Variants in TRIQK observed in about 807,000 individuals in gnomAD.
TRIQK encodes triple QxxK/R motif containing, also known as triple QxxK/R motif-containing protein.
In TRIQK, 10 loss-of-function variants were observed where a neutral mutation model predicts 10.8. That is an observed-to-expected ratio of 0.92 (90% CI 0.57 to 1.57). The LOEUF (loss-of-function observed/expected upper bound fraction) is 1.57, where lower values mean the gene tolerates loss of function less well. Among genes scored for constraint, TRIQK ranks in the 40% most tolerant of loss-of-function variants. TRIQK has a pLI of 0.00. For missense variants in TRIQK, 107 were observed against 97.7 expected (o/e 1.09, Z -0.40); for synonymous variants, 33 against 33.7 (o/e 0.98, Z 0.07).
intron 3 of TRIQK, among the ~76,000 whole-genome samples, chr8:92,903,335 G>A (rs1423140371): frequency 6.6e-6 from 1 of 151,904 alleles, no homozygotes; most frequent in East Asian, 1.9e-4. Context: ...TATCCAGACA[G>A]TAGATTTTTT....
intron 1 of TRIQK, among the ~76,000 whole-genome samples, chr8:92,985,536 T>G (rs1164755934): frequency 2.6e-5 from 4 of 152,156 alleles, no homozygotes; most frequent in South Asian, 2.1e-4. Flanking sequence ...GAGATTTAGC[T>G]TCACTGTATT....
At chr8:92,900,211 T>C (rs753604714) in intron 3 of TRIQK, among the ~76,000 whole-genome samples, 3 of 152,162 alleles carry the variant, frequency 2.0e-5, no homozygotes, top group Non-Finnish European at 2.9e-5. Context: ...CCTTTCACTT[T>C]ACTGATGGTT....
intron 2 of TRIQK, among the ~76,000 whole-genome samples, chr8:92,923,216 T>C (rs779608754): frequency 2.6e-5 from 4 of 151,790 alleles, no homozygotes; most frequent in Non-Finnish European, 5.9e-5. Context: ...TCATCATTCA[T>C]TTCTATTGCT....
At chr8:92,927,139 G>T (rs1362244403) in intron 2 of TRIQK, among the ~76,000 whole-genome samples, 3 of 151,948 alleles carry the variant, frequency 2.0e-5, no homozygotes, top group Non-Finnish European at 4.4e-5. Flanking sequence ...CAAAAAAAAT[G>T]AATCTATTAT....
chr8:92,982,291 G>T (rs1812994419), intron 1 of TRIQK, among the ~76,000 whole-genome samples: 1 of 151,906 alleles, frequency 6.6e-6, no homozygotes, highest in Non-Finnish European at 1.5e-5. Flanking sequence ...AGTTAAAGAA[G>T]AGAAAACTAG....
At chr8:92,963,453 T>C (rs1812556490) in intron 1 of TRIQK, 2 of 151,598 alleles carry the variant, frequency 1.3e-5, no homozygotes, top group Admixed American at 1.3e-4. Context: ...TTATAAAAGA[T>C]TATTCACTTA....
At chr8:92,942,147 T>C (rs1408668695) in intron 2 of TRIQK, among the ~76,000 whole-genome samples, 2 of 152,208 alleles carry the variant, frequency 1.3e-5, no homozygotes, top group African/African-American at 4.8e-5. Context: ...CTGATGGTTA[T>C]AGATGCAAAA....
chr8:92,921,567 C>G (rs1049426809), intron 2 of TRIQK: 1 of 151,770 alleles, frequency 6.6e-6, no homozygotes, highest in Non-Finnish European at 1.5e-5. Flanking sequence ...TAGGGTAACT[C>G]TGAACATGAG....
At chr8:92,962,998 C>T (rs1046270307) in intron 1 of TRIQK, among the ~76,000 whole-genome samples, 2 of 151,976 alleles carry the variant, frequency 1.3e-5, no homozygotes, top group African/African-American at 2.4e-5. Context: ...ATATGGCAGG[C>T]GCCACATGTC....
At chr8:92,908,199 G>A (rs1341226704) in intron 3 of TRIQK, among the ~76,000 whole-genome samples, 2 of 152,054 alleles carry the variant, frequency 1.3e-5, no homozygotes, top group Non-Finnish European at 2.9e-5. Context: ...TCATTATCAC[G>A]TGAATATCTG....
chr8:92,933,429 A>T (rs1208768293), intron 2 of TRIQK, among the ~76,000 whole-genome samples: 1 of 152,136 alleles, frequency 6.6e-6, no homozygotes, highest in Non-Finnish European at 1.5e-5. Context: ...GGTAATATCA[A>T]ATATTAAATA....
intron 1 of TRIQK, among the ~76,000 whole-genome samples, chr8:93,001,416 A>G (rs987640047): frequency 1.4e-5 from 2 of 146,988 alleles, no homozygotes; most frequent in East Asian, 3.9e-4. Context: ...GGACACACAT[A>G]GACTGAAAAT....
At chr8:92,949,219 C>A (rs1156591242) in intron 2 of TRIQK, among the ~76,000 whole-genome samples, 3 of 152,074 alleles carry the variant, frequency 2.0e-5, no homozygotes, top group Non-Finnish European at 4.4e-5. Flanking sequence ...TAAGTTTTTT[C>A]TTTTAATGCT....
intron 1 of TRIQK, among the ~76,000 whole-genome samples, chr8:93,016,967 A>G (rs1006655307): frequency 6.6e-6 from 1 of 152,250 alleles, no homozygotes; most frequent in Non-Finnish European, 1.5e-5. Context: ...TAGTATGGAT[A>G]GAACTTAGTA....
chr8:93,006,318 G>A (rs1234097820), intron 1 of TRIQK, among the ~76,000 whole-genome samples: 1 of 152,174 alleles, frequency 6.6e-6, no homozygotes, highest in Admixed American at 6.5e-5. Flanking sequence ...GTGAGGAAAA[G>A]CTGAGTGGTG....
At chr8:92,980,366 G>GGGGT (rs1563671956) in intron 1 of TRIQK, among the ~76,000 whole-genome samples, 1 of 150,458 alleles carries the variant, frequency 6.6e-6, no homozygotes, top group Non-Finnish European at 1.5e-5. Context: ...GGCATATGGG[G>GGGGT]GTGTGTGTGT....
At chr8:92,907,656 AT>A (rs1809346524) in intron 3 of TRIQK, among the ~76,000 whole-genome samples, 2 of 152,166 alleles carry the variant, frequency 1.3e-5, no homozygotes, top group Admixed American at 1.3e-4. Flanking sequence ...AATACAGACA[AT>A]CTGTAGTGTC....
intron 1 of TRIQK, among the ~76,000 whole-genome samples, chr8:92,981,533 T>G (rs903475146): frequency 5.3e-5 from 8 of 151,976 alleles, no homozygotes; most frequent in South Asian, 4.1e-4. Context: ...ACCTTATGTA[T>G]TTTGTAACTA....
chr8:92,895,295 C>T (rs1445969413), intron 3 of TRIQK, among the ~76,000 whole-genome samples: 1 of 152,150 alleles, frequency 6.6e-6, no homozygotes, highest in Non-Finnish European at 1.5e-5. Flanking sequence ...TTTCTAATCT[C>T]AAAGGTTTTG....
Sources: allele counts gnomAD v4.1 joint callset (sites outside exome capture counted in the v4.1 genomes callset), GRCh38; gene constraint gnomAD v4.1.1; transcripts MANE v1.5; gene names NCBI Gene and HGNC (gene_info 2026-07-23, HGNC 2026-07-21).